The following ENPP5 variants were observed in gnomAD, a reference collection of about 807,000 sequenced individuals.
ENPP5 encodes the protein ectonucleotide pyrophosphatase/phosphodiesterase family member 5, also known as E-NPP 5.
A neutral mutation model predicts 33.7 loss-of-function variants in ENPP5; 27 were observed. The ratio of observed to expected loss-of-function variants is 0.80; its 90% CI spans 0.59 to 1.11. The LOEUF (loss-of-function observed/expected upper bound fraction) is 1.11. ENPP5 is among the 50% of genes least tolerant of loss of function. The probability of loss-of-function intolerance (pLI) is 0.00; values close to 1 mark genes in which losing one functional copy is unlikely to be tolerated. For missense variants in ENPP5, 552 were observed against 579.2 expected (o/e 0.95, Z 0.48); for synonymous variants, 199 against 200.5 (o/e 0.99, Z 0.06).
chr6:46,161,095 T>C lies in ENPP5; in HGVS notation c.*231A>G. ...TAAAGCAGGATCTTATCTATCCCTA[T>C]GCTACAGTGAACAATGGAGACATAC... On this transcript the variant is annotated 3_prime_UTR_variant, in exon 5 of 5. Transcript: ENST00000371383. The C allele has an allele frequency of 2.0e-6, 1 of 510,374 alleles. No individual in the cohort carries two copies. Among genetic ancestry groups the C allele is most frequent in the Non-Finnish European group, 3.5e-6 (1 of 283,150 alleles). 31.6% of individuals were successfully genotyped at this position (510,374 alleles called of 1,614,324 possible). A position where few individuals can be genotyped will look rare whatever the true frequency, so the allele number is the denominator to read the frequency against.
chr6:46,161,591 C>A lies in ENPP5; in HGVS notation c.1169G>T (p.Gly390Val), dbSNP rs1223906343. 1 of 1,614,016 alleles carries A rather than the reference C, an allele frequency of 6.2e-7. No homozygotes were observed. The highest frequency in any genetic ancestry group is 8.5e-7 in the Non-Finnish European group (1 of 1,179,960). The change falls in exon 5 of 5, where the codon GGA (glycine) becomes GTA (valine). Residue 390 changes from glycine to valine, a missense_variant. Physicochemically the swap from Gly to Val is moderately radical, Grantham distance 109 (BLOSUM62 -3). Coordinates refer to ENST00000371383, the MANE Select transcript of ENPP5 (RefSeq NM_001290072.2). ...LLNITAMPHN[G>V]SFWNVQDLLN... is the part of the protein sequence containing the mutation. ...CAGATCCTGGACATTCCAGAATGAT[C>A]CATTGTGTGGCATGGCGGTGATATT...
At chr6:46,161,897 C>G (rs1185118073) in intron 4 of ENPP5, 144 bp from the exon 5 acceptor site, 1 of 672,616 alleles carries the variant, frequency 1.5e-6, no homozygotes, top group African/African-American at 1.8e-5. Flanking sequence ...ACAATCTCTG[C>G]TGTTGTCCAC....
intron 3 of ENPP5, among the ~76,000 whole-genome samples, chr6:46,166,129 C>T (rs555530421): frequency 6.6e-6 from 1 of 152,190 alleles, no homozygotes; most frequent in East Asian, 1.9e-4. Context: ...AACAAGAGGA[C>T]ATCATTCCAA....
At chr6:46,165,764 G>A (rs1336054260) in intron 3 of ENPP5, among the ~76,000 whole-genome samples, 1 of 152,178 alleles carries the variant, frequency 6.6e-6, no homozygotes, top group African/African-American at 2.4e-5. Context: ...AATTAAGGAA[G>A]GGCATTTTAT....
In ENPP5 at chr6:46,167,710, G is replaced by A. The variant is rs1325443220; in HGVS notation, c.553C>T (p.Leu185Phe). The stretch of plus-strand genomic sequence containing the variant: ...ATGTCATCAGGGTCTTCCCAATAGA[G>A]AAGACCAAGATTTATGGGCTCTTTT... The part of the protein sequence containing the change: ...TSKEPINLGL[L>F]YWEDPDDMGH... Residue 185 changes from leucine (L) to phenylalanine (F), a missense_variant, in exon 3 of 5, where the codon CTC (leucine) becomes TTC (phenylalanine). Transcript: ENST00000371383. The A allele has an allele frequency of 1.2e-6, 2 of 1,614,054 alleles. No homozygotes were observed. Among genetic ancestry groups the A allele is most frequent in the Admixed American group, 3.3e-5 (2 of 60,010 alleles).
Position 46,167,973 on chromosome 6 carries a change from T to A in ENPP5, c.290A>T (p.Asp97Val). Residue 97 changes from aspartate to valine, a missense_variant, in exon 3 of 5, where the codon GAT becomes GTT. Coordinates refer to ENST00000371383, the MANE Select transcript of ENPP5 (RefSeq NM_001290072.2). ...NHGIVANDMF[D>V]PIRNKSFSLD... The stretch of plus-strand genomic sequence containing the variant: ...GGAGAAAGATTTGTTCCGAATAGGA[T>A]CAAACATATCATTTGCAACAATCCC... The A allele has an allele frequency of 6.2e-7, 1 of 1,614,168 alleles. No homozygotes were observed. Among genetic ancestry groups the A allele is most frequent in the Non-Finnish European group, 8.5e-7 (1 of 1,180,034 alleles).
At position 46,159,274 on chromosome 6, in the gene ENPP5, T is replaced by A. The variant is rs900012130; in HGVS notation, c.*2052A>T. The A allele has an allele frequency of 2.0e-5, 3 of 152,220 alleles. No individual in the cohort carries two copies. Among genetic ancestry groups the A allele is most frequent in the African/African-American group, 7.2e-5 (3 of 41,466 alleles). The allele number at this position is 152,220 out of a possible 1,614,324, so 9.4% of individuals were successfully genotyped here. ...AAGTATCTGTAAGTAAACCATCTGATAATCAAATATTTATATATGAATTTA... is the reference window on the plus strand; with the variant it reads ...AAGTATCTGTAAGTAAACCATCTGAAAATCAAATATTTATATATGAATTTA... On this transcript the variant is annotated 3_prime_UTR_variant, in exon 5 of 5. Transcript: ENST00000371383.
At chr6:46,170,568 A>T (rs1209582403) in intron 1 of ENPP5, among the ~76,000 whole-genome samples, 1 of 151,862 alleles carries the variant, frequency 6.6e-6, no homozygotes. Context: ...GTGCAGAAGG[A>T]GTAGGTTTGT....
At chr6:46,162,930 A>T (rs1162372019) in intron 4 of ENPP5, among the ~76,000 whole-genome samples, 2 of 152,228 alleles carry the variant, frequency 1.3e-5, no homozygotes, top group African/African-American at 4.8e-5. Context: ...TTCTATGAGA[A>T]GTTGGGACCT....
At chr6:46,162,972 T>A (rs1258927829) in intron 4 of ENPP5, among the ~76,000 whole-genome samples, 2 of 152,206 alleles carry the variant, frequency 1.3e-5, no homozygotes, top group Non-Finnish European at 2.9e-5. Context: ...AAGATAATTA[T>A]CTTATATCAC....
In ENPP5 at chr6:46,168,311, AT is replaced by A; in HGVS notation, c.-35-15del. ...GTGTAAGATAATCTGTAGAATAAAC[AT>A]ATAGAAATTAAAGGCAATAATTTTG... On this transcript the variant is annotated splice_polypyrimidine_tract_variant and intron_variant, in intron 2 of 4. Transcript: ENST00000371383. 1 of 1,237,588 alleles carries A rather than the reference AT, an allele frequency of 8.1e-7. No homozygotes were observed. Among genetic ancestry groups the A allele is most frequent in the Non-Finnish European group, 1.1e-6 (1 of 886,544 alleles). 76.7% of individuals were successfully genotyped at this position (1,237,588 alleles called of 1,614,324 possible). A position where few individuals can be genotyped will look rare whatever the true frequency, so the allele number is the denominator to read the frequency against.
At chr6:46,170,559 T>C (rs1214171323) in intron 1 of ENPP5, among the ~76,000 whole-genome samples, 1 of 152,006 alleles carries the variant, frequency 6.6e-6, no homozygotes, top group Non-Finnish European at 1.5e-5. Flanking sequence ...AGAGGGAAAG[T>C]GCAGAAGGAG....
chr6:46,165,729 C>T (rs1369963022), intron 3 of ENPP5, among the ~76,000 whole-genome samples, 166 bp from the exon 4 acceptor site: 3 of 152,184 alleles, frequency 2.0e-5, no homozygotes, highest in Admixed American at 2.0e-4. Context: ...AGGAAATAAT[C>T]TTCTGTTGTA....
In ENPP5 at chr6:46,161,173, A is replaced by G. The variant is rs74445007; in HGVS notation, c.*153T>C. The G allele has an allele frequency of 9.5e-5, 54 of 570,004 alleles. No individual in the cohort carries two copies. The highest frequency in any genetic ancestry group is 4.6e-4 in the South Asian group (21 of 45,824). 35.3% of individuals were successfully genotyped at this position (570,004 alleles called of 1,614,324 possible). A position where few individuals can be genotyped will look rare whatever the true frequency, so the allele number is the denominator to read the frequency against. ...TAAGTATTTTGGTCCGTGTGTGTGTATGTGTGTGTGTGTGTGTGTGTATAC... is the reference window on the plus strand; with the variant it reads ...TAAGTATTTTGGTCCGTGTGTGTGTGTGTGTGTGTGTGTGTGTGTGTATAC... On this transcript the variant is annotated 3_prime_UTR_variant, in exon 5 of 5. Transcript: ENST00000371383.
chr6:46,162,775 A>G (rs1764428978), intron 4 of ENPP5, among the ~76,000 whole-genome samples: 1 of 152,186 alleles, frequency 6.6e-6, no homozygotes, highest in South Asian at 2.1e-4. Context: ...TGATTCTTTT[A>G]GGTTTATTTA....
chr6:46,164,266 C>T (rs1420051084), intron 4 of ENPP5, among the ~76,000 whole-genome samples: 1 of 152,082 alleles, frequency 6.6e-6, no homozygotes, highest in Non-Finnish European at 1.5e-5. Flanking sequence ...AACAAACAAC[C>T]CCATCAAAAA....
At chr6:46,164,494 T>C (rs1181409291) in intron 4 of ENPP5, among the ~76,000 whole-genome samples, 1 of 152,096 alleles carries the variant, frequency 6.6e-6, no homozygotes, top group Non-Finnish European at 1.5e-5. Flanking sequence ...TAATATAAAT[T>C]GAGTATTATT....
rs1764338062 is a variant in ENPP5 at position 46,160,091 on chromosome 6, T to C, written c.*1235A>G. ...CCACTGAGCACCTGGTAGGTGGGTA[T>C]TCACATATTTCTTGAAACAGAGCTA... On this transcript the variant is annotated 3_prime_UTR_variant, in exon 5 of 5. Transcript: ENST00000371383. The C allele has an allele frequency of 1.3e-5, 2 of 152,192 alleles. No homozygotes were observed. Among genetic ancestry groups the C allele is most frequent in the Non-Finnish European group, 2.9e-5 (2 of 68,020 alleles). 9.4% of individuals were successfully genotyped at this position (152,192 alleles called of 1,614,324 possible).
intron 2 of ENPP5, among the ~76,000 whole-genome samples, chr6:46,168,685 A>G (rs1323352785): frequency 6.6e-6 from 1 of 152,160 alleles, no homozygotes; most frequent in Non-Finnish European, 1.5e-5. Flanking sequence ...CATCCTTAAC[A>G]TTATGGCTAG....
Sources: gnomAD v4.1 joint callset for allele counts (sites outside exome capture counted in the v4.1 genomes callset) on GRCh38, gnomAD v4.1.1 for gene constraint, MANE v1.5 for transcripts, NCBI Gene and HGNC (gene_info 2026-07-23, HGNC 2026-07-21) for gene names.